IGF2BP3: variants seen among roughly 807,000 people sequenced by gnomAD.
IGF2BP3 encodes the protein insulin-like growth factor 2 mRNA-binding protein 3.
A neutral mutation model predicts 73.8 loss-of-function variants in IGF2BP3; 9 were observed. The ratio of observed to expected loss-of-function variants is 0.12; its 90% CI spans 0.07 to 0.21. The LOEUF (loss-of-function observed/expected upper bound fraction) is 0.21. Among genes scored for constraint, IGF2BP3 ranks in the 10% least tolerant of loss-of-function variants. The pLI is 1.00. For synonymous variants in IGF2BP3, 258 were observed against 256.7 expected, an observed-to-expected ratio of 1.01 and a Z score of -0.05; for missense variants, 542 against 714.0, an observed-to-expected ratio of 0.76 and a Z score of 2.75.
At chr7:23,361,295 A>G (rs1423550678) in intron 5 of IGF2BP3, 7 of 410,142 alleles carry the variant, frequency 1.7e-5, no homozygotes, top group Non-Finnish European at 4.4e-6. Flanking sequence ...TCAGTTTCAT[A>G]CTAGACCACT....
intron 3 of IGF2BP3, chr7:23,414,032 C>T (rs2128532909): frequency 6.6e-6 from 1 of 152,252 alleles, no homozygotes; most frequent in African/African-American, 2.4e-5. Context: ...CACCTGTAGT[C>T]CCAGCCACTC....
At chr7:23,353,156 A>G (rs1227389569) in intron 5 of IGF2BP3, among the ~76,000 whole-genome samples, 3 of 152,158 alleles carry the variant, frequency 2.0e-5, no homozygotes, top group African/African-American at 7.2e-5. Context: ...AATGGCCCTG[A>G]GTTCACCCCA....
At chr7:23,427,585 A>G (rs1787548954) in intron 2 of IGF2BP3, among the ~76,000 whole-genome samples, 1 of 152,022 alleles carries the variant, frequency 6.6e-6, no homozygotes, top group East Asian at 1.9e-4. Context: ...AAAACTAAAA[A>G]ATTTTGCTGG....
chr7:23,398,911 T>C (rs1423762750), intron 3 of IGF2BP3, among the ~76,000 whole-genome samples: 2 of 152,218 alleles, frequency 1.3e-5, no homozygotes, highest in Non-Finnish European at 2.9e-5. Flanking sequence ...CTCTTTAGTT[T>C]AATTAGATCC....
chr7:23,439,512 G>A (rs1188500590), intron 2 of IGF2BP3, among the ~76,000 whole-genome samples: 2 of 141,266 alleles, frequency 1.4e-5, no homozygotes, highest in South Asian at 2.3e-4. Flanking sequence ...AGCCAAGATC[G>A]TGCCACTGCA....
At chr7:23,439,393 A>G (rs1406034764) in intron 2 of IGF2BP3, among the ~76,000 whole-genome samples, 1 of 150,462 alleles carries the variant, frequency 6.6e-6, no homozygotes, top group Non-Finnish European at 1.5e-5. Flanking sequence ...CCTACTAAAA[A>G]TACAAAAAAA....
At chr7:23,378,569 G>GTTTTTTTTTTT (rs1156868701) in intron 3 of IGF2BP3, among the ~76,000 whole-genome samples, 2 of 65,884 alleles carry the variant, frequency 3.0e-5, no homozygotes, top group Admixed American at 2.2e-4. Flanking sequence ...ATTTTTGCTT[G>GTTTTTTTTTTT]TTTTTTTTTT....
chr7:23,312,666 T>G, intron 14 of IGF2BP3, 69 bp downstream of exon 14: 1 of 1,111,764 alleles, frequency 9.0e-7, no homozygotes, highest in Admixed American at 2.0e-5. Flanking sequence ...TTCTATCAGG[T>G]AGGAGCACCT....
At chr7:23,400,334 T>A in intron 3 of IGF2BP3, among the ~76,000 whole-genome samples, 1 of 152,192 alleles carries the variant, frequency 6.6e-6, no homozygotes. Flanking sequence ...TTAGAAGAAG[T>A]AGTATCTCTA....
In IGF2BP3 at chr7:23,455,330, C is replaced by T. The variant is rs141112590; in HGVS notation, c.236+13152G>A. 9.8e-4 allele frequency among the ~76,000 whole-genome samples: 149 copies of T among 152,296 alleles called. 1 individual carries two copies. In the Middle Eastern group the frequency reaches 0.014, roughly 14 times the overall value. ...CAGCTTGTAGTTCCCACACACACCC[C>T]AGGATGTTTCACACTTACATGAGGT... is the stretch of plus-strand genomic sequence containing the variant. On this transcript the variant is annotated intron_variant, in intron 2 of 14. Transcript: ENST00000258729.
At chr7:23,377,251 C>A (rs1034150354) in intron 3 of IGF2BP3, among the ~76,000 whole-genome samples, 1 of 152,104 alleles carries the variant, frequency 6.6e-6, no homozygotes, top group East Asian at 1.9e-4. Flanking sequence ...TTACATCTAG[C>A]ATATACAAAG....
chr7:23,387,734 G>T (rs774761591), intron 3 of IGF2BP3, among the ~76,000 whole-genome samples: 9 of 152,192 alleles, frequency 5.9e-5, no homozygotes, highest in Non-Finnish European at 1.2e-4. Flanking sequence ...TATACTAAGA[G>T]AAAGAAGCCA....
intron 3 of IGF2BP3, among the ~76,000 whole-genome samples, chr7:23,367,278 G>A (rs1040537991): frequency 1.3e-5 from 2 of 151,890 alleles, no homozygotes; most frequent in Non-Finnish European, 2.9e-5. Context: ...GTGTCCGGCC[G>A]CATTTTGCTT....
At chr7:23,438,924 C>A (rs144978374) in intron 2 of IGF2BP3, among the ~76,000 whole-genome samples, 2 of 152,204 alleles carry the variant, frequency 1.3e-5, no homozygotes, top group East Asian at 3.9e-4. Flanking sequence ...AAAAATGTTA[C>A]ATATTTTTCA....
At chr7:23,337,475 A>T (rs1234565292) in intron 10 of IGF2BP3, among the ~76,000 whole-genome samples, 1 of 152,228 alleles carries the variant, frequency 6.6e-6, no homozygotes, top group East Asian at 1.9e-4. Context: ...AATAGTGCCA[A>T]ATCCAGTGAA....
chr7:23,441,536 G>C (rs933153857), intron 2 of IGF2BP3, among the ~76,000 whole-genome samples: 1 of 127,614 alleles, frequency 7.8e-6, no homozygotes, highest in Non-Finnish European at 1.6e-5. Flanking sequence ...TCGTGCCACT[G>C]CACTCCAGCC....
At chr7:23,452,282 G>A (rs1788218934) in intron 2 of IGF2BP3, among the ~76,000 whole-genome samples, 1 of 151,982 alleles carries the variant, frequency 6.6e-6, no homozygotes, top group Admixed American at 6.6e-5. Flanking sequence ...GGAATTACAG[G>A]CGTGAGCCAC....
chr7:23,460,096 G>A (rs1194440099), intron 2 of IGF2BP3, among the ~76,000 whole-genome samples: 1 of 125,890 alleles, frequency 7.9e-6, no homozygotes, highest in Non-Finnish European at 1.7e-5. Flanking sequence ...AGCCAGACGA[G>A]GAGGCATGTG....
At chr7:23,466,603 C>T (rs1195495306) in intron 2 of IGF2BP3, among the ~76,000 whole-genome samples, 2 of 152,140 alleles carry the variant, frequency 1.3e-5, no homozygotes, top group East Asian at 3.8e-4. Flanking sequence ...ATGTGCTTTC[C>T]TAAAGAGGAA....
Sources: allele counts gnomAD v4.1 joint callset (sites outside exome capture counted in the v4.1 genomes callset), GRCh38; gene constraint gnomAD v4.1.1; transcripts MANE v1.5; gene names NCBI Gene and HGNC (gene_info 2026-07-23, HGNC 2026-07-21).